Variants in LRRN2 observed in about 807,000 individuals in gnomAD.
LRRN2 encodes the protein leucine rich repeat neuronal 2.
A neutral mutation model predicts 35.7 loss-of-function variants in LRRN2; 10 were observed. That is an observed-to-expected ratio of 0.28 (90% CI 0.17 to 0.47). The LOEUF (loss-of-function observed/expected upper bound fraction) is 0.47. Ranked by LOEUF, LRRN2 falls within the 20% of genes least tolerant of loss-of-function variation. The probability of loss-of-function intolerance (pLI) is 0.99; values close to 1 mark genes in which losing one functional copy is unlikely to be tolerated. For synonymous variants in LRRN2, 391 were observed against 409.6 expected (o/e 0.95, Z 0.55); for missense variants, 731 against 940.3 (o/e 0.78, Z 2.91).
chr1:204,620,781 G>A (rs1666836289), intron 1 of LRRN2: 1 of 167,174 alleles, frequency 6.0e-6, no homozygotes. Context: ...TGGATGGGCT[G>A]AAATTATTGT....
chr1:204,663,214 T>C (rs1668507160), intron 1 of LRRN2, among the ~76,000 whole-genome samples: 1 of 152,192 alleles, frequency 6.6e-6, no homozygotes, highest in Non-Finnish European at 1.5e-5. Context: ...ATGGCTCCTC[T>C]GGCAGAAAGT....
rs77701727 is a variant in LRRN2, at chr1:204,677,054, C to T, written c.-227+8266G>A. ...CTGGCACCTCATAAGCACTCAATAACGTTAGCTCTTATTATTATTAACAAC... is the reference window on the plus strand; with the variant it reads ...CTGGCACCTCATAAGCACTCAATAATGTTAGCTCTTATTATTATTAACAAC... On this transcript the variant is annotated intron_variant, in intron 1 of 1. Transcript: ENST00000367177. Among the ~76,000 whole-genome samples the T allele has an allele frequency of 1.5e-3, 234 of 152,292 alleles. 1 individual carries two copies. The highest frequency in any genetic ancestry group is 5.3e-3 in the African/African-American group (222 of 41,546).
chr1:204,675,863 GCTCTTCTC>G (rs1226501122), intron 1 of LRRN2, among the ~76,000 whole-genome samples: 2 of 152,242 alleles, frequency 1.3e-5, no homozygotes, highest in Admixed American at 1.3e-4. Context: ...TATGACCTAA[GCTCTTCTC>G]CTTTTCTCCA....
intron 1 of LRRN2, among the ~76,000 whole-genome samples, chr1:204,680,301 T>C (rs373784364): frequency 6.6e-6 from 1 of 152,334 alleles, no homozygotes; most frequent in African/African-American, 2.4e-5. Context: ...TAATTAGTGT[T>C]GTTACCACGT....
At chr1:204,660,552 G>GAC (rs72072762) in intron 1 of LRRN2, among the ~76,000 whole-genome samples, 11,589 of 143,068 alleles carry the variant, frequency 0.081, 755 homozygotes, top group African/African-American at 0.18. Flanking sequence ...GCCTTACACA[G>GAC]ACACACACAC....
chr1:204,671,642 TAAAAA>T (rs35192809), intron 1 of LRRN2, among the ~76,000 whole-genome samples: 3 of 30,230 alleles, frequency 9.9e-5, no homozygotes, highest in African/African-American at 2.8e-4. Context: ...TAATTGATGG[TAAAAA>T]AAAAAAAAAA....
intron 1 of LRRN2, among the ~76,000 whole-genome samples, chr1:204,622,496 AG>A (rs1666969587): frequency 6.6e-6 from 1 of 152,338 alleles, no homozygotes; most frequent in Non-Finnish European, 1.5e-5. Flanking sequence ...AGGTTTTGAT[AG>A]GGGTGTGTGT....
chr1:204,649,343 T>G (rs1668175028), intron 1 of LRRN2, among the ~76,000 whole-genome samples: 1 of 152,168 alleles, frequency 6.6e-6, no homozygotes, highest in Admixed American at 6.5e-5. Context: ...GGGATAGGTC[T>G]TATTTATCTC....
intron 1 of LRRN2, among the ~76,000 whole-genome samples, chr1:204,664,808 T>C (rs1668543954): frequency 6.6e-6 from 1 of 152,180 alleles, no homozygotes; most frequent in African/African-American, 2.4e-5. Flanking sequence ...GCGTCTGCCT[T>C]GTGCCCATTC....
intron 1 of LRRN2, among the ~76,000 whole-genome samples, chr1:204,633,596 G>A (rs537751958): frequency 2.1e-4 from 32 of 152,320 alleles, no homozygotes; most frequent in Non-Finnish European, 4.0e-4. Flanking sequence ...CAGTAAGAGC[G>A]TGATGTGGAA....
At chr1:204,658,286 G>A (rs1450934420) in intron 1 of LRRN2, among the ~76,000 whole-genome samples, 3 of 152,180 alleles carry the variant, frequency 2.0e-5, no homozygotes, top group Middle Eastern at 3.4e-3. Context: ...CCAATGGTTC[G>A]TATTTACAGC....
At chr1:204,675,253 G>A (rs904325286) in intron 1 of LRRN2, among the ~76,000 whole-genome samples, 3 of 152,194 alleles carry the variant, frequency 2.0e-5, no homozygotes, top group Admixed American at 6.5e-5. Flanking sequence ...CTGGTCCACC[G>A]CTTGGCTTTT....
At chr1:204,636,575 G>A (rs1158107945) in intron 1 of LRRN2, among the ~76,000 whole-genome samples, 2 of 152,082 alleles carry the variant, frequency 1.3e-5, no homozygotes, top group Non-Finnish European at 1.5e-5. Flanking sequence ...AAACTTAGGG[G>A]CATCCGCACA....
At chr1:204,644,634 C>T (rs1005651678) in intron 1 of LRRN2, among the ~76,000 whole-genome samples, 1 of 152,202 alleles carries the variant, frequency 6.6e-6, no homozygotes, top group East Asian at 1.9e-4. Context: ...CCTCTTGCTC[C>T]CACAACACCT....
At chr1:204,672,571 C>T (rs970982826) in intron 1 of LRRN2, among the ~76,000 whole-genome samples, 11 of 152,188 alleles carry the variant, frequency 7.2e-5, no homozygotes, top group Admixed American at 2.0e-4. Context: ...ACATCTCTGT[C>T]GCGCCGTCTT....
chr1:204,681,354 C>A (rs1668952126), intron 1 of LRRN2, among the ~76,000 whole-genome samples: 1 of 152,170 alleles, frequency 6.6e-6, no homozygotes, highest in Non-Finnish European at 1.5e-5. Flanking sequence ...AATAATATTA[C>A]TTACATAGCA....
chr1:204,663,065 T>C (rs1668503773), intron 1 of LRRN2, among the ~76,000 whole-genome samples: 1 of 152,140 alleles, frequency 6.6e-6, no homozygotes, highest in Admixed American at 6.6e-5. Context: ...AGGCTATTAA[T>C]TCTATAATCT....
chr1:204,646,640 C>A (rs1668114474), intron 1 of LRRN2, among the ~76,000 whole-genome samples: 1 of 152,062 alleles, frequency 6.6e-6, no homozygotes, highest in Non-Finnish European at 1.5e-5. Flanking sequence ...ATGTGCTGGA[C>A]AAGTCAATGT....
intron 1 of LRRN2, among the ~76,000 whole-genome samples, chr1:204,657,924 C>T (rs2772229): frequency 0.92 from 136,297 of 148,278 alleles, 63,061 homozygotes; most frequent in East Asian, 1. Context: ...GCTTTCTTAA[C>T]ATTAGACACC....
Sources: allele counts gnomAD v4.1 joint callset (sites outside exome capture counted in the v4.1 genomes callset), GRCh38; gene constraint gnomAD v4.1.1; transcripts MANE v1.5; gene names NCBI Gene and HGNC (gene_info 2026-07-23, HGNC 2026-07-21).